The following DZIP3 variants were observed in gnomAD, a reference collection of about 807,000 sequenced individuals.
DZIP3 encodes E3 ubiquitin-protein ligase DZIP3.
DZIP3 carries 118 observed loss-of-function variants against 162.0 expected under a neutral mutation model. The observed-to-expected ratio is 0.73, with a 90% CI of 0.63 to 0.85. DZIP3 has a LOEUF of 0.85. DZIP3 is among the 40% of genes least tolerant of loss of function. DZIP3 has a pLI of 0.00. For missense variants in DZIP3, 1,331 were observed against 1,407.0 expected (o/e 0.95, Z 0.86); for synonymous variants, 438 against 458.6 (o/e 0.96, Z 0.57).
rs972219371 is a variant in DZIP3 at position 108,608,112 on chromosome 3, G to A, written c.56G>A (p.Arg19Lys). 1 of 1,613,040 alleles carries A rather than the reference G, an allele frequency of 6.2e-7. No individual in the cohort carries two copies. Among genetic ancestry groups the A allele is most frequent in the Non-Finnish European group, 8.5e-7 (1 of 1,179,434 alleles). The change falls in exon 3 of 33, where the codon AGG becomes AAG. Residue 19 changes from arginine (R) to lysine (K), a missense_variant. By Grantham distance (26) the Arg-to-Lys change is conservative. Around this residue, in one of 2 missense-constraint regions of DZIP3, gnomAD observed 1,278 missense variants for 1,317.1 expected, o/e 0.97. Transcript: ENST00000361582. ...FVRHPAVEDQ[R>K]KEETENKLEK... Reference sequence around the variant, plus strand: ...AGGCATCCTGCTGTGGAGGATCAGAGGAAGGAAGAAACTGAGAATAAGCTA... The same window carrying A: ...AGGCATCCTGCTGTGGAGGATCAGAAGAAGGAAGAAACTGAGAATAAGCTA...
chr3:108,663,980 C>T (rs756171340), intron 21 of DZIP3, among the ~76,000 whole-genome samples: 9 of 152,178 alleles, frequency 5.9e-5, no homozygotes, highest in Non-Finnish European at 1.3e-4. Flanking sequence ...CTTCCAGGTC[C>T]ACCAAAATGT....
intron 31 of DZIP3, among the ~76,000 whole-genome samples, chr3:108,690,101 C>T (rs1944636568): frequency 6.6e-6 from 1 of 152,170 alleles, no homozygotes; most frequent in Admixed American, 6.5e-5. Context: ...TTTAACAAAA[C>T]TTATCCTACT....
intron 24 of DZIP3, 135 bp downstream of exon 24, chr3:108,674,316 G>GA (rs1944024559): frequency 1.7e-5 from 11 of 660,048 alleles, no homozygotes; most frequent in East Asian, 1.2e-4. Flanking sequence ...GGTTTTTTTG[G>GA]GTTTTTTTTC....
chr3:108,635,505 CAT>C lies in DZIP3; in HGVS notation c.918+536_918+537del, dbSNP rs200609575. 5.6e-3 allele frequency: 862 copies of C among 155,294 alleles called. 6 individuals are homozygous for C. Among genetic ancestry groups the C allele is most frequent in the Middle Eastern group, 0.022 (7 of 314 alleles). 9.6% of individuals were successfully genotyped at this position (155,294 alleles called of 1,614,324 possible). On this transcript the variant is annotated intron_variant, in intron 10 of 32. Coordinates refer to ENST00000361582, the MANE Select transcript of DZIP3 (RefSeq NM_014648.4). ...TTATAGATAATATATAATTATATAA[CAT>C]ATGGTTATACATTATATATAATAGT...
chr3:108,618,026 G>C (rs1941110243), intron 5 of DZIP3, among the ~76,000 whole-genome samples: 1 of 152,188 alleles, frequency 6.6e-6, no homozygotes, highest in Non-Finnish European at 1.5e-5. Context: ...TACTCTATCT[G>C]TCCTTCAAGG....
At chr3:108,598,076 G>A (rs1039009612) in intron 1 of DZIP3, among the ~76,000 whole-genome samples, 28 of 152,072 alleles carry the variant, frequency 1.8e-4, no homozygotes, top group African/African-American at 6.0e-4. Context: ...TATTAGGCTG[G>A]CATGATTAAT....
In DZIP3 at chr3:108,675,816, G is replaced by A. The variant is rs191237968; in HGVS notation, c.2724G>A (p.Ala908=). ...SNLESLQLKA[A]VDSWNAIVAD... ...TAGAATCACTTCAATTAAAGGCTGC[G>A]GTAGACAGTTGGAATGCCATTGTGG... The change falls in exon 25 of 33, where the codon GCG becomes GCA. Residue 908 remains alanine, a synonymous_variant. Coordinates refer to ENST00000361582, the MANE Select transcript of DZIP3 (RefSeq NM_014648.4). 7.5e-5 allele frequency: 120 copies of A among 1,609,630 alleles called. No homozygotes were observed. The highest frequency in any genetic ancestry group is 3.3e-4 in the Middle Eastern group (2 of 6,022).
intron 1 of DZIP3, among the ~76,000 whole-genome samples, chr3:108,598,967 A>C (rs1360268065): frequency 6.6e-6 from 1 of 152,220 alleles, no homozygotes; most frequent in Non-Finnish European, 1.5e-5. Context: ...CCAACTATTC[A>C]AAACAAATTA....
rs1390998181 is a variant in DZIP3, at chr3:108,662,142, CA to C, written c.2309del (p.Gln770ArgfsTer2). 1.9e-6 allele frequency: 3 copies of C among 1,593,502 alleles called. No individual in the cohort carries two copies. In the African/African-American group the frequency reaches 4.1e-5, roughly 22 times the overall value. ...LHYQCEDFKR[Q>X]LRTVTFRWQE... Reference sequence around the variant, plus strand: ...TTTTATTGATCAGGATTTCAAAAGACAGTTGAGAACAGTGACTTTTCGGTGG... The same window carrying C: ...TTTTATTGATCAGGATTTCAAAAGACGTTGAGAACAGTGACTTTTCGGTGG... On this transcript the variant is annotated frameshift_variant, in exon 21 of 33. Coordinates refer to ENST00000361582, the MANE Select transcript of DZIP3 (RefSeq NM_014648.4). LOFTEE classifies it high-confidence loss of function.
chr3:108,604,371 A>G (rs988224051), intron 1 of DZIP3, among the ~76,000 whole-genome samples: 1 of 152,132 alleles, frequency 6.6e-6, no homozygotes, highest in Non-Finnish European at 1.5e-5. Flanking sequence ...TTTTATATAT[A>G]ATTTAACACT....
At chr3:108,653,825 G>A (rs996166338) in intron 18 of DZIP3, among the ~76,000 whole-genome samples, 10 of 151,968 alleles carry the variant, frequency 6.6e-5, no homozygotes. Context: ...ATTTCTGAAA[G>A]TACTGTTTTC....
rs139036506 is a variant in DZIP3 at position 108,633,584 on chromosome 3, G to T, written c.816+512G>T. On this transcript the variant is annotated intron_variant, in intron 9 of 32. Transcript: ENST00000361582. The stretch of plus-strand genomic sequence containing the variant: ...TACTTCTGATAGATCTCTCTCTCTG[G>T]ATCTATCAGAATACTTCTGATAGAT... Among the ~76,000 whole-genome samples, 45 of 149,390 alleles carry T rather than the reference G, an allele frequency of 3.0e-4. 1 individual carries two copies. The East Asian group carries it at 9.0e-3, about 30-fold the overall frequency.
intron 22 of DZIP3, among the ~76,000 whole-genome samples, chr3:108,670,852 G>A (rs1943903228): frequency 2.0e-5 from 3 of 151,838 alleles, no homozygotes; most frequent in Admixed American, 6.6e-5. Flanking sequence ...ATATAAATGT[G>A]GTTTTGATTT....
Position 108,664,364 on chromosome 3 carries a change from CTAACA to C in DZIP3, c.2423+2111_2423+2115del, listed in dbSNP as rs1331584753. 3.3e-5 allele frequency among the ~76,000 whole-genome samples: 5 copies of C among 152,340 alleles called. No individual in the cohort carries two copies. In the South Asian group the frequency reaches 1.0e-3, roughly 32 times the overall value. On this transcript the variant is annotated intron_variant, in intron 21 of 32. Coordinates refer to ENST00000361582, the MANE Select transcript of DZIP3 (RefSeq NM_014648.4). ...AGGCAGTACATGCTGATTCTCCTAC[CTAACA>C]TAAGTAAGTAGCAGCAATCTTATTT...
chr3:108,688,451 CA>C (rs1944572770), intron 29 of DZIP3, 141 bp from the exon 30 acceptor site: 1 of 910,892 alleles, frequency 1.1e-6, no homozygotes, highest in African/African-American at 1.7e-5. Flanking sequence ...TAAGTATTGC[CA>C]CCATTTTGTT....
intron 8 of DZIP3, among the ~76,000 whole-genome samples, chr3:108,631,058 C>CACACACACACA (rs1941856797): frequency 1.5e-5 from 2 of 131,578 alleles, no homozygotes; most frequent in South Asian, 5.6e-4. Flanking sequence ...CACACACACT[C>CACACACACACA]TCTCTCTCTC....
chr3:108,656,240 C>T (rs964446505), intron 19 of DZIP3, among the ~76,000 whole-genome samples: 2 of 152,178 alleles, frequency 1.3e-5, no homozygotes, highest in African/African-American at 4.8e-5. Context: ...TGGGTGGCAT[C>T]CCCCAGTAGG....
chr3:108,614,949 T>C (rs1437742182), intron 4 of DZIP3, among the ~76,000 whole-genome samples: 6 of 152,210 alleles, frequency 3.9e-5, no homozygotes, highest in African/African-American at 1.4e-4. Context: ...CCAAATAAAC[T>C]ATTTCCATTG....
chr3:108,682,019 T>C (rs1337857177), intron 26 of DZIP3, among the ~76,000 whole-genome samples: 1 of 150,350 alleles, frequency 6.7e-6, no homozygotes, highest in Non-Finnish European at 1.5e-5. Context: ...ATGGCACATG[T>C]ATACCTATGA....
Sources: allele counts gnomAD v4.1 joint callset (sites outside exome capture counted in the v4.1 genomes callset), GRCh38; gene constraint gnomAD v4.1.1; regional missense constraint gnomAD v4.1.1; transcripts MANE v1.5; gene names NCBI Gene and HGNC (gene_info 2026-07-23, HGNC 2026-07-21).